The following STK11IP variants were observed in gnomAD, a reference collection of about 807,000 sequenced individuals.
The protein encoded by STK11IP is serine/threonine kinase 11 interacting protein, also known as serine/threonine-protein kinase 11-interacting protein.
Under a neutral mutation model 131.7 loss-of-function variants are expected in STK11IP, and 103 were observed. That is an observed-to-expected ratio of 0.78 (90% CI 0.67 to 0.92). The LOEUF (loss-of-function observed/expected upper bound fraction) is 0.92, where lower values mean the gene tolerates loss of function less well. Among genes scored for constraint, STK11IP ranks in the 40% least tolerant of loss-of-function variants. The pLI, the probability that STK11IP is intolerant of heterozygous loss-of-function variation, is 0.00. For missense variants in STK11IP, 1,315 were observed against 1,385.7 expected (o/e 0.95, Z 0.81); for synonymous variants, 557 against 575.6 (o/e 0.97, Z 0.46).
At position 219,614,236 on chromosome 2, in the gene STK11IP, G is replaced by A. The variant is rs369639341; in HGVS notation, c.2792G>A (p.Arg931Gln). Residue 931 changes from arginine (R) to glutamine (Q), a missense_variant, in exon 22 of 25, where the codon CGG (arginine) becomes CAG (glutamine). Transcript: ENST00000456909. ...ATEEEVTPQH[R>Q]LWPLLEKDSS... is the part of the protein sequence containing the mutation. Reference sequence around the variant, plus strand: ...GAGGAGGAGGTCACCCCCCAGCACCGGCTCTGGTGAGTCGATAGGAGGCAG... The same window carrying A: ...GAGGAGGAGGTCACCCCCCAGCACCAGCTCTGGTGAGTCGATAGGAGGCAG... 4.6e-5 allele frequency: 75 copies of A among 1,613,194 alleles called. No individual in the cohort carries two copies. Among genetic ancestry groups the A allele is most frequent in the Admixed American group, 1.5e-4 (9 of 59,982 alleles).
At chr2:219,605,875 C>A in intron 8 of STK11IP, 81 bp from the exon 9 acceptor site, 1 of 1,474,994 alleles carries the variant, frequency 6.8e-7, no homozygotes, top group South Asian at 1.2e-5. Flanking sequence ...CTTTCTGCTG[C>A]AACCTCCCCC....
At position 219,609,580 on chromosome 2, in the gene STK11IP, C is replaced by G. The variant is rs550018849; in HGVS notation, c.2104+40C>G. 13 of 1,550,722 alleles carry G rather than the reference C, an allele frequency of 8.4e-6. No individual in the cohort carries two copies. In the South Asian group the frequency reaches 1.4e-4, roughly 17 times the overall value. On this transcript the variant is annotated intron_variant, in intron 17 of 24. Coordinates refer to ENST00000456909, the MANE Select transcript of STK11IP (RefSeq NM_052902.4). The stretch of plus-strand genomic sequence containing the variant: ...CTTGACCTCTCTGCCCACACGCCTC[C>G]CCTGTTCCAGGGAAAGTGGCTCTGT...
In STK11IP at chr2:219,608,113, ACTGG is replaced by A. The variant is rs1482293339; in HGVS notation, c.1290_1293del (p.Trp430CysfsTer160). 1 of 1,613,276 alleles carries A rather than the reference ACTGG, an allele frequency of 6.2e-7. No individual in the cohort carries two copies. The highest frequency in any genetic ancestry group is 1.1e-5 in the South Asian group (1 of 91,062). ...AGCTTCCGGGAACGGTTCGGCCGCA[ACTGG>A]CTGCAGTACAGGAGTCACCTGGAGC... On this transcript the variant is annotated frameshift_variant, in exon 14 of 25. Transcript: ENST00000456909. LOFTEE classifies it high-confidence loss of function.
In STK11IP at chr2:219,606,753, G is replaced by T; in HGVS notation, c.1029G>T (p.Leu343Phe). Residue 343 changes from leucine to phenylalanine, a missense_variant, in exon 12 of 25, where the codon TTG becomes TTT. Coordinates refer to ENST00000456909, the MANE Select transcript of STK11IP (RefSeq NM_052902.4). Reference sequence around the variant, plus strand: ...GGCTCAGCCCCATGGGCCCACCTTTGCCCTGGCCAGTGGGGAGTACTCCTG... The same window carrying T: ...GGCTCAGCCCCATGGGCCCACCTTTTCCCTGGCCAGTGGGGAGTACTCCTG... Reference protein sequence around the residue: ...SLGLSPMGPPLPWPVGSTPET... With the variant: ...SLGLSPMGPPFPWPVGSTPET... The T allele has an allele frequency of 1.2e-6, 2 of 1,613,690 alleles. No homozygotes were observed. The highest frequency in any genetic ancestry group is 1.7e-6 in the Non-Finnish European group (2 of 1,179,770).
In STK11IP at chr2:219,611,943, C is replaced by T. The variant is rs749569006; in HGVS notation, c.2336-12C>T. The stretch of plus-strand genomic sequence containing the variant: ...TGCCATGGGCAGGCTGATGCCCCCT[C>T]ATTGCCCTCAGCCCCTGAGCGCTGT... On this transcript the variant is annotated splice_polypyrimidine_tract_variant and intron_variant, in intron 18 of 24. Coordinates refer to ENST00000456909, the MANE Select transcript of STK11IP (RefSeq NM_052902.4). 28 of 1,585,088 alleles carry T rather than the reference C, an allele frequency of 1.8e-5. No homozygotes were observed. The East Asian group carries it at 2.3e-4, about 13-fold the overall frequency.
intron 15 of STK11IP, 47 bp downstream of exon 15, chr2:219,608,835 A>G (rs573093191): frequency 1.3e-6 from 2 of 1,522,952 alleles, no homozygotes; most frequent in Non-Finnish European, 1.8e-6. Context: ...TTATGGGAAC[A>G]TGGCTGTTGT....
rs755010894 is a variant in STK11IP at position 219,606,516 on chromosome 2, A to G, written c.986A>G (p.Gln329Arg). ...AAGGTCTTGTCACTGACAGATTTTC[A>G]GGTCGGTGTGGTTGGGGGGCGAGGA... The part of the protein sequence containing the change: ...DGKVLSLTDF[Q>R]THTSLGLSPM... Residue 329 changes from glutamine (Q) to arginine (R), a missense_variant and splice_region_variant, in exon 11 of 25, where the codon CAG (glutamine) becomes CGG (arginine). Gln to Arg is a conservative substitution (Grantham distance 43). Coordinates refer to ENST00000456909, the MANE Select transcript of STK11IP (RefSeq NM_052902.4). The G allele has an allele frequency of 1.2e-6, 2 of 1,612,316 alleles. No individual in the cohort carries two copies. The highest frequency in any genetic ancestry group is 1.7e-6 in the Non-Finnish European group (2 of 1,179,160).
At chr2:219,609,280 C>G (rs1392287442) in intron 16 of STK11IP, 67 bp downstream of exon 16, 1 of 1,576,334 alleles carries the variant, frequency 6.3e-7, no homozygotes, top group East Asian at 2.3e-5. Flanking sequence ...GAAGTGGCAG[C>G]AGGCCTGAGG....
chr2:219,612,930 T>C, intron 19 of STK11IP, 198 bp from the exon 20 acceptor site: 1 of 563,214 alleles, frequency 1.8e-6, no homozygotes, highest in Non-Finnish European at 3.2e-6. Flanking sequence ...CTGCTGAGGC[T>C]CTGAGCGGGC....
rs910182658 is a variant in STK11IP at position 219,616,173 on chromosome 2, G to T, written c.3247G>T (p.Ala1083Ser). The T allele has an allele frequency of 5.0e-6, 8 of 1,613,590 alleles. No individual in the cohort carries two copies. Among genetic ancestry groups the T allele is most frequent in the Non-Finnish European group, 5.9e-6 (7 of 1,179,836 alleles). Residue 1083 changes from alanine to serine, a missense_variant, in exon 25 of 25, where the codon GCG (alanine) becomes TCG (serine). Coordinates refer to ENST00000456909, the MANE Select transcript of STK11IP (RefSeq NM_052902.4). ...CGGACTCCGGACAGTGATCCAAGAG[G>T]CGCTGGCCCTTGACCGATGAGGGTC... is the stretch of plus-strand genomic sequence containing the variant. Reference protein sequence around the residue: ...SIGLRTVIQEALALDR With the variant: ...SIGLRTVIQESLALDR
At chr2:219,612,179 C>T (rs1698421307) in intron 19 of STK11IP, 121 bp downstream of exon 19, 1 of 859,984 alleles carries the variant, frequency 1.2e-6, no homozygotes, top group Non-Finnish European at 1.8e-6. Context: ...GGTTTCAACC[C>T]CAGCAGCTTC....
chr2:219,604,830 C>CT (rs1037544901), intron 7 of STK11IP, among the ~76,000 whole-genome samples: 270 of 141,382 alleles, frequency 1.9e-3, no homozygotes, highest in Non-Finnish European at 1.9e-3. Context: ...GACTTTTTTC[C>CT]TTTTTTTTTT....
chr2:219,612,283 G>A (rs917426369), intron 19 of STK11IP, among the ~76,000 whole-genome samples: 2 of 152,188 alleles, frequency 1.3e-5, no homozygotes, highest in Non-Finnish European at 1.5e-5. Context: ...ACACAGTGGC[G>A]TGCGTCAGGG....
In STK11IP at chr2:219,609,086, TTGCTGCGCAGGGCTCAGATC is replaced by T; in HGVS notation, c.1810-6_1823del. The T allele has an allele frequency of 3.8e-6, 6 of 1,573,630 alleles. No homozygotes were observed. The highest frequency in any genetic ancestry group is 4.3e-6 in the Non-Finnish European group (5 of 1,156,986). ...TGCTGTTTTTCACCCGGTCCCCCTC[TTGCTGCGCAGGGCTCAGATC>T]TGCTCCCTGGAGCCCCCATCCTCAG... is the stretch of plus-strand genomic sequence containing the variant. On this transcript the variant is annotated splice_acceptor_variant and splice_polypyrimidine_tract_variant and coding_sequence_variant and intron_variant, in exon 16 of 25. Coordinates refer to ENST00000456909, the MANE Select transcript of STK11IP (RefSeq NM_052902.4). LOFTEE classifies it high-confidence loss of function.
chr2:219,606,681 C>T (rs1698175366), intron 11 of STK11IP, 31 bp from the exon 12 acceptor site: 1 of 1,596,924 alleles, frequency 6.3e-7, no homozygotes, highest in Non-Finnish European at 8.5e-7. Context: ...CAGGCTCCAA[C>T]CTCTCTCTCC....
rs903593028 is a variant in STK11IP at position 219,608,668 on chromosome 2, T to G, written c.1689T>G (p.Ser563=). 3.7e-6 allele frequency: 6 copies of G among 1,613,636 alleles called. No individual in the cohort carries two copies. Among genetic ancestry groups the G allele is most frequent in the African/African-American group, 2.7e-5 (2 of 74,934 alleles). ...GGGAATGCTTTCTCAGGGTCACTTC[T>G]GCCCACCTGTTTGAGGTGGAACTCC... ...RGRECFLRVT[S]AHLFEVELQA... The change falls in exon 15 of 25, where the codon TCT becomes TCG. Residue 563 remains serine, a synonymous_variant. Transcript: ENST00000456909.
At chr2:219,603,645 C>T (rs1220369914) in intron 7 of STK11IP, among the ~76,000 whole-genome samples, 5 of 151,830 alleles carry the variant, frequency 3.3e-5, no homozygotes, top group South Asian at 2.1e-4. Context: ...CTCAGTCTCC[C>T]GAGTAGCTGG....
At position 219,615,229 on chromosome 2, in the gene STK11IP, C is replaced by CG; in HGVS notation, c.3009dup (p.Pro1004AlafsTer27). ...GAAGCCTCTGAGAAGGTGCCTCCCT[C>CG]GGGGCCGGGCCCTGCTGTGCGTGTC... On this transcript the variant is annotated frameshift_variant, in exon 24 of 25. Coordinates refer to ENST00000456909, the MANE Select transcript of STK11IP (RefSeq NM_052902.4). LOFTEE classifies it high-confidence loss of function. 1 of 1,594,340 alleles carries CG rather than the reference C, an allele frequency of 6.3e-7. No individual in the cohort carries two copies. Among genetic ancestry groups the CG allele is most frequent in the Middle Eastern group, 1.8e-4 (1 of 5,608 alleles).
intron 2 of STK11IP, among the ~76,000 whole-genome samples, chr2:219,598,771 A>G (rs1273151289): frequency 6.6e-6 from 1 of 152,274 alleles, no homozygotes; most frequent in African/African-American, 2.4e-5. Flanking sequence ...GTGCCTGGGC[A>G]TAATGGAGCC....
Sources: gnomAD v4.1 joint callset for allele counts (sites outside exome capture counted in the v4.1 genomes callset) on GRCh38, gnomAD v4.1.1 for gene constraint, MANE v1.5 for transcripts, NCBI Gene and HGNC (gene_info 2026-07-23, HGNC 2026-07-21) for gene names.